GFPT2: variants seen among roughly 807,000 people sequenced by gnomAD.
GFPT2 encodes the protein glutamine--fructose-6-phosphate transaminase 2, also known as glutamine--fructose-6-phosphate aminotransferase [isomerizing] 2.
A neutral mutation model predicts 85.6 loss-of-function variants in GFPT2; 62 were observed. The ratio of observed to expected loss-of-function variants is 0.72; its 90% CI spans 0.59 to 0.90. GFPT2 has a LOEUF of 0.90. GFPT2 is among the 40% of genes least tolerant of loss of function. GFPT2 has a pLI of 0.00. For missense variants in GFPT2, 788 were observed against 893.4 expected (o/e 0.88, Z 1.50); for synonymous variants, 368 against 344.5 (o/e 1.07, Z -0.75).
Position 180,352,092 on chromosome 5 carries a change from A to T in GFPT2, c.7+1119T>A, listed in dbSNP as rs1051385403. Among the ~76,000 whole-genome samples the T allele has an allele frequency of 3.3e-5, 5 of 152,258 alleles. No homozygotes were observed. In the Middle Eastern group the frequency reaches 0.01, roughly 311 times the overall value. ...GCTGAGGGTTCAGGAATTTCCACGG[A>T]TGCCTGTTCAGCCTGGGTGAGGCGG... On this transcript the variant is annotated intron_variant, in intron 1 of 18. Coordinates refer to ENST00000253778, the MANE Select transcript of GFPT2 (RefSeq NM_005110.4).
Position 180,323,115 on chromosome 5 carries a change from A to G in GFPT2, c.794+1073T>C, listed in dbSNP as rs554869901. 2.6e-5 allele frequency among the ~76,000 whole-genome samples: 4 copies of G among 152,354 alleles called. No homozygotes were observed. Among genetic ancestry groups the G allele is most frequent in the African/African-American group, 9.6e-5 (4 of 41,586 alleles). ...ACTATTGATCGTTAAGATCACAATT[A>G]TTTGACAAACTTCTAAGAAATAAAA... On this transcript the variant is annotated intron_variant, in intron 9 of 18. Coordinates refer to ENST00000253778, the MANE Select transcript of GFPT2 (RefSeq NM_005110.4). This position sits in a 1 kb window ranked among gnomAD's most constrained non-coding sequence, Gnocchi z 4.0.
intron 1 of GFPT2, among the ~76,000 whole-genome samples, chr5:180,350,085 G>C (rs1764683381): frequency 6.6e-6 from 1 of 151,982 alleles, no homozygotes; most frequent in Admixed American, 6.6e-5. Flanking sequence ...CTCGTGTCTG[G>C]GTCCTTGTGG....
rs939841824 is a variant in GFPT2 at position 180,321,814 on chromosome 5, C to T, written c.794+2374G>A. 3.9e-5 allele frequency among the ~76,000 whole-genome samples: 6 copies of T among 152,114 alleles called. No homozygotes were observed. The East Asian group carries it at 5.8e-4, about 15-fold the overall frequency. ...TTTGTTTTGTTTTGAGACGGAGTCTCGCTCTGTTGCCCAGGCTGGAGTGCA... is the reference window on the plus strand; with the variant it reads ...TTTGTTTTGTTTTGAGACGGAGTCTTGCTCTGTTGCCCAGGCTGGAGTGCA... On this transcript the variant is annotated intron_variant, in intron 9 of 18. Transcript: ENST00000253778.
intron 5 of GFPT2, chr5:180,331,075 A>G (rs1764292008): frequency 1.8e-6 from 1 of 547,936 alleles, no homozygotes; most frequent in Non-Finnish European, 3.2e-6. Context: ...ACATTGCAAA[A>G]TAACAGCAGT....
chr5:180,310,395 G>A (rs901195988), intron 15 of GFPT2, among the ~76,000 whole-genome samples: 2 of 151,180 alleles, frequency 1.3e-5, no homozygotes, highest in African/African-American at 2.4e-5. Context: ...GAGCCACTGC[G>A]CCTCACCATC....
At chr5:180,324,961 G>A (rs1764186723) in intron 7 of GFPT2, 66 bp from the exon 8 acceptor site, 1 of 985,450 alleles carries the variant, frequency 1.0e-6, no homozygotes, top group Non-Finnish European at 1.6e-6. Context: ...TGTCTGCCCA[G>A]CATCTGAGGT....
At chr5:180,342,405 ATG>A (rs1230358950) in intron 1 of GFPT2, among the ~76,000 whole-genome samples, 3 of 121,396 alleles carry the variant, frequency 2.5e-5, no homozygotes, top group Admixed American at 9.3e-5. Flanking sequence ...TTTAGGTGAA[ATG>A]TTTTTTTTTT....
intron 4 of GFPT2, among the ~76,000 whole-genome samples, chr5:180,334,733 C>T (rs769717142): frequency 6.6e-6 from 1 of 152,194 alleles, no homozygotes; most frequent in African/African-American, 2.4e-5. Context: ...CGTGACTGGA[C>T]CAGGCCTCAC....
intron 2 of GFPT2, among the ~76,000 whole-genome samples, chr5:180,337,565 A>G (rs934568180): frequency 6.6e-6 from 1 of 152,142 alleles, no homozygotes; most frequent in Non-Finnish European, 1.5e-5. Context: ...AACAAAAAAT[A>G]TCAACGTACA....
intron 10 of GFPT2, among the ~76,000 whole-genome samples, chr5:180,317,816 GA>G (rs1764043622): frequency 6.6e-6 from 1 of 151,654 alleles, no homozygotes; most frequent in Admixed American, 6.6e-5. Flanking sequence ...GCTCTGATTT[GA>G]GTGGGATTGG....
At chr5:180,305,156 C>T (rs1262044594) in intron 16 of GFPT2, among the ~76,000 whole-genome samples, 1 of 152,086 alleles carries the variant, frequency 6.6e-6, no homozygotes, top group South Asian at 2.1e-4. Context: ...TGCACCAGCC[C>T]GGGACACAAC....
At chr5:180,333,957 T>A (rs1358735001) in intron 4 of GFPT2, among the ~76,000 whole-genome samples, 1 of 152,142 alleles carries the variant, frequency 6.6e-6, no homozygotes, top group Admixed American at 6.6e-5. Flanking sequence ...AGTGGCAACA[T>A]CTCAGGGCAC....
intron 1 of GFPT2, among the ~76,000 whole-genome samples, chr5:180,342,916 A>G (rs1036136554): frequency 6.6e-6 from 1 of 152,018 alleles, no homozygotes; most frequent in African/African-American, 2.4e-5. Flanking sequence ...AGAAAAAAAA[A>G]GGAAGAAAGA....
chr5:180,302,439 A>G lies in GFPT2; in HGVS notation c.1988T>C (p.Val663Ala), dbSNP rs751664130. Residue 663 changes from valine (V) to alanine (A), a missense_variant, in exon 18 of 19, where the codon GTT becomes GCT. Transcript: ENST00000253778. Reference sequence around the variant, plus strand: ...TAGACGCACGTCATATCCTCGGAGAACAGCCAGGTGGAAGGACAGCAGCTG... The same window carrying G: ...TAGACGCACGTCATATCCTCGGAGAGCAGCCAGGTGGAAGGACAGCAGCTG... Reference protein sequence around the residue: ...PLQLLSFHLAVLRGYDVDFPR... With the variant: ...PLQLLSFHLAALRGYDVDFPR... The G allele has an allele frequency of 1.9e-6, 3 of 1,613,904 alleles. No individual in the cohort carries two copies. In the Admixed American group the frequency reaches 5.0e-5, roughly 27 times the overall value.
chr5:180,313,451 T>A (rs541225379), intron 14 of GFPT2, among the ~76,000 whole-genome samples: 1 of 139,316 alleles, frequency 7.2e-6, no homozygotes, highest in Non-Finnish European at 1.6e-5. Context: ...ATGAGCCGGG[T>A]GTGGGGCGGG....
rs923948078 is a variant in GFPT2, at chr5:180,328,608, T to A, written c.535-270A>T. Among the ~76,000 whole-genome samples the A allele has an allele frequency of 6.6e-6, 1 of 151,996 alleles. No homozygotes were observed. The highest frequency in any genetic ancestry group is 2.4e-5 in the African/African-American group (1 of 41,386). On this transcript the variant is annotated intron_variant, in intron 6 of 18. Coordinates refer to ENST00000253778, the MANE Select transcript of GFPT2 (RefSeq NM_005110.4). This position sits in a 1 kb window ranked among gnomAD's most constrained non-coding sequence, Gnocchi z 5.4. The stretch of plus-strand genomic sequence containing the variant: ...AGGCCCACAGGGAGCCCGGCAGGGG[T>A]GCCAGCTGGGTAGACGGGGCAGTGA...
intron 7 of GFPT2, among the ~76,000 whole-genome samples, chr5:180,327,368 C>T (rs1312105850): frequency 6.6e-6 from 1 of 152,236 alleles, no homozygotes; most frequent in Non-Finnish European, 1.5e-5. Context: ...TCCGTCCCAC[C>T]AATGCCCTTG....
intron 9 of GFPT2, among the ~76,000 whole-genome samples, chr5:180,320,243 C>T (rs1228025964): frequency 2.6e-5 from 4 of 152,152 alleles, no homozygotes; most frequent in South Asian, 2.1e-4. Context: ...CCGCCCGCCT[C>T]GGCCTCCCAA....
intron 4 of GFPT2, among the ~76,000 whole-genome samples, chr5:180,332,028 T>G (rs1764311811): frequency 6.6e-6 from 1 of 152,230 alleles, no homozygotes; most frequent in Non-Finnish European, 1.5e-5. Context: ...TATTTGAGTT[T>G]TTAAAATTCT....
Sources: gnomAD v4.1 joint callset for allele counts (sites outside exome capture counted in the v4.1 genomes callset) on GRCh38, gnomAD v4.1.1 for gene constraint, Gnocchi (gnomAD v3.1) non-coding constraint, MANE v1.5 for transcripts, NCBI Gene and HGNC (gene_info 2026-07-23, HGNC 2026-07-21) for gene names.